MEGF6: variants seen among roughly 807,000 people sequenced by gnomAD.
MEGF6 encodes the protein multiple epidermal growth factor-like domains protein 6.
In MEGF6, 184 loss-of-function variants were observed where a neutral mutation model predicts 207.1. That is an observed-to-expected ratio of 0.89 (90% CI 0.79 to 1.00). MEGF6 has a LOEUF of 1.00. Ranked by LOEUF, MEGF6 falls within the 50% of genes least tolerant of loss-of-function variation. The pLI is 0.00. For synonymous variants in MEGF6, 1,038 were observed against 910.0 expected (o/e 1.14, Z -2.53); for missense variants, 2,282 against 2,202.9 (o/e 1.04, Z -0.72).
At chr1:3,624,001 G>A in the MEGF6 span, among the ~76,000 whole-genome samples, 63 of 152,224 alleles carry the variant, frequency 4.1e-4, no homozygotes, top group South Asian at 6.8e-3. Context: ...TTCTCATCCC[G>A]GCGATTCTAA....
intron 4 of MEGF6, among the ~76,000 whole-genome samples, chr1:3,544,138 C>T (rs764638272): frequency 1.1e-4 from 17 of 151,872 alleles, no homozygotes; most frequent in Admixed American, 2.6e-4. Flanking sequence ...ATTACAGGGC[C>T]CACCACCACC....
In MEGF6 at chr1:3,497,347, A is replaced by G; in HGVS notation, c.3367T>C (p.Trp1123Arg). 6.5e-7 allele frequency: 1 copy of G among 1,546,984 alleles called. No individual in the cohort carries two copies. The highest frequency in any genetic ancestry group is 1.2e-5 in the South Asian group (1 of 81,834). The change falls in exon 27 of 37, where the codon TGG becomes CGG. Residue 1123 changes from tryptophan (W) to arginine (R), a missense_variant. By Grantham distance (101) the Trp-to-Arg change is moderately radical (BLOSUM62 -3). Transcript: ENST00000356575. ...CGCTGGGCACAGGCCTCTCCAAACC[A>G]GCCCCGCAGGCAGGCTGCAGAAAGA... ...DKCQSPCLRGWFGEACAQRCS... is the reference protein window; with the variant it reads ...DKCQSPCLRGRFGEACAQRCS...
chr1:3,528,494 C>A (rs1642040287), intron 4 of MEGF6, among the ~76,000 whole-genome samples: 1 of 152,200 alleles, frequency 6.6e-6, no homozygotes, highest in Non-Finnish European at 1.5e-5. Flanking sequence ...ACATCCTCAT[C>A]CACAGACCCT....
intron 4 of MEGF6, chr1:3,531,358 G>T (rs1008668787): frequency 2.5e-6 from 3 of 1,189,368 alleles, no homozygotes; most frequent in African/African-American, 3.2e-5. Flanking sequence ...CCGGGCGGGC[G>T]CGCAATCCCA....
chr1:3,593,672 G>A (rs1471721237), intron 3 of MEGF6, among the ~76,000 whole-genome samples: 1 of 151,792 alleles, frequency 6.6e-6, no homozygotes, highest in Non-Finnish European at 1.5e-5. Flanking sequence ...GCCTCAGAGT[G>A]GAAACCCGGG....
intron 21 of MEGF6, among the ~76,000 whole-genome samples, chr1:3,500,420 A>AG (rs1640805683): frequency 6.6e-6 from 1 of 152,256 alleles, no homozygotes; most frequent in African/African-American, 2.4e-5. Context: ...GGAAAGGCAG[A>AG]GGAAGCCAGG....
chr1:3,508,616 G>A lies in MEGF6; in HGVS notation c.1602C>T (p.Leu534=), dbSNP rs1641208171. Residue 534 remains leucine, a synonymous_variant, in exon 13 of 37, where the codon CTC becomes CTT. Coordinates refer to ENST00000356575, the MANE Select transcript of MEGF6 (RefSeq NM_001409.4). ...CDDCRNGGTC[L]LGLDGCDCPE... ...GGCAATCACAGCCATCCAGGCCCAG[G>A]AGGCAGGTCCCTCCGTTCCTGCAGT... 1.2e-6 allele frequency: 2 copies of A among 1,613,410 alleles called. No individual in the cohort carries two copies. Among genetic ancestry groups the A allele is most frequent in the Admixed American group, 1.7e-5 (1 of 60,000 alleles).
intron 14 of MEGF6, among the ~76,000 whole-genome samples, chr1:3,506,923 T>G (rs1641141012): frequency 6.6e-6 from 1 of 152,154 alleles, no homozygotes; most frequent in Admixed American, 6.5e-5. Flanking sequence ...AGAGGAGGCC[T>G]GGAGAAGGGG....
intron 4 of MEGF6, among the ~76,000 whole-genome samples, chr1:3,525,950 G>A (rs1641946012): frequency 6.6e-6 from 1 of 152,212 alleles, no homozygotes; most frequent in African/African-American, 2.4e-5. Flanking sequence ...AGGCTTCCTG[G>A]ACACCTGTGT....
intron 4 of MEGF6, among the ~76,000 whole-genome samples, chr1:3,575,651 AG>A (rs1643622140): frequency 6.7e-6 from 1 of 148,578 alleles, no homozygotes; most frequent in Non-Finnish European, 1.5e-5. Context: ...GGATGGCAGC[AG>A]GCAAAGAGAG....
chr1:3,519,430 C>T (rs1369029594), intron 5 of MEGF6, among the ~76,000 whole-genome samples: 1 of 152,238 alleles, frequency 6.6e-6, no homozygotes, highest in Non-Finnish European at 1.5e-5. Context: ...CTGCACGGCG[C>T]ACCATGGGCA....
the MEGF6 span, among the ~76,000 whole-genome samples, chr1:3,622,568 A>C: frequency 4.6e-5 from 7 of 152,228 alleles, no homozygotes. Context: ...GGTGGTCCCT[A>C]ATCCAACAGG....
intron 4 of MEGF6, among the ~76,000 whole-genome samples, chr1:3,533,406 C>T (rs1445737561): frequency 6.6e-6 from 1 of 152,252 alleles, no homozygotes; most frequent in Non-Finnish European, 1.5e-5. Context: ...GGCTGACGGG[C>T]CTGTTTGAAG....
chr1:3,587,774 C>T (rs111620968), intron 3 of MEGF6, among the ~76,000 whole-genome samples: 8 of 151,782 alleles, frequency 5.3e-5, no homozygotes, highest in African/African-American at 7.3e-5. Flanking sequence ...TCAAAGCCTG[C>T]GCAGGCCATG....
chr1:3,507,963 G>C (rs373633361), intron 13 of MEGF6, 40 bp from the exon 14 acceptor site: 1 of 1,594,388 alleles, frequency 6.3e-7, no homozygotes, highest in African/African-American at 1.3e-5. Context: ...TCACCAGCCA[G>C]CACGACACTC....
rs542743625 is a variant in MEGF6 at position 3,606,705 on chromosome 1, G to A, written c.132-4105C>T. On this transcript the variant is annotated intron_variant, in intron 1 of 36. Coordinates refer to ENST00000356575, the MANE Select transcript of MEGF6 (RefSeq NM_001409.4). ...GCTACAGGCATTGAACGCTTTTGCC[G>A]TCCCTGTGCCTTGCAACGCACTTAC... Among the ~76,000 whole-genome samples, 14 of 152,298 alleles carry A rather than the reference G, an allele frequency of 9.2e-5. No homozygotes were observed. In the South Asian group the frequency reaches 1.7e-3, roughly 18 times the overall value.
intron 5 of MEGF6, among the ~76,000 whole-genome samples, chr1:3,519,386 G>A (rs1406580364): frequency 6.6e-6 from 1 of 152,226 alleles, no homozygotes; most frequent in African/African-American, 2.4e-5. Context: ...GAGGCCAGAC[G>A]GCGGGGGCCA....
chr1:3,501,153 CA>C (rs1473752445), intron 19 of MEGF6, 23 bp downstream of exon 19: 3 of 1,612,574 alleles, frequency 1.9e-6, no homozygotes, highest in Non-Finnish European at 2.5e-6. Flanking sequence ...GTCAAAGGCT[CA>C]GGGGCAGCTC....
chr1:3,538,960 C>A (rs1054371993), intron 4 of MEGF6, among the ~76,000 whole-genome samples: 1 of 152,188 alleles, frequency 6.6e-6, no homozygotes, highest in African/African-American at 2.4e-5. Context: ...TGCCCCAGGT[C>A]TCACACTGTA....
Sources: allele counts gnomAD v4.1 joint callset (sites outside exome capture counted in the v4.1 genomes callset), GRCh38; gene constraint gnomAD v4.1.1; transcripts MANE v1.5; gene names NCBI Gene and HGNC (gene_info 2026-07-23, HGNC 2026-07-21).